Variants in GRID1 observed in about 807,000 individuals in gnomAD.
GRID1 encodes glutamate receptor ionotropic, delta-1.
In GRID1, 28 loss-of-function variants were observed where a neutral mutation model predicts 98.0. The ratio of observed to expected loss-of-function variants is 0.29; its 90% confidence interval spans 0.21 to 0.39. The LOEUF is 0.39. Among genes scored for constraint, GRID1 ranks in the 10% least tolerant of loss-of-function variants. GRID1 has a pLI of 1.00. For missense variants in GRID1, 1,111 were observed against 1,340.5 expected, an observed-to-expected ratio of 0.83 and a Z score of 2.67; for synonymous variants, 553 against 538.5, an observed-to-expected ratio of 1.03 and a Z score of -0.37.
At chr10:86,256,935 C>A (rs1846929208) in intron 2 of GRID1, among the ~76,000 whole-genome samples, 1 of 152,206 alleles carries the variant, frequency 6.6e-6, no homozygotes, top group African/African-American at 2.4e-5. Context: ...CTGGCAGCCC[C>A]TCTCTGCCTG....
At position 85,737,645 on chromosome 10, in the gene GRID1, GATATATATATAT is replaced by G. The variant is rs66947723; in HGVS notation, c.1234-8043_1234-8032del. Among the ~76,000 whole-genome samples the G allele has an allele frequency of 4.6e-4, 44 of 95,686 alleles. 1 individual carries two copies. In the East Asian group the frequency reaches 9.4e-3, roughly 20 times the overall value. 62.8% of individuals were successfully genotyped at this position (95,686 alleles called of 152,430 possible). A position where few individuals can be genotyped will look rare whatever the true frequency, so the allele number is the denominator to read the frequency against. ...TTGAACAACAACAACAGTAAAGCCA[GATATATATATAT>G]ATATATATATATATATAAACATATA... On this transcript the variant is annotated intron_variant, in intron 8 of 15. Transcript: ENST00000327946.
At chr10:86,154,555 G>C (rs1488467441) in intron 3 of GRID1, among the ~76,000 whole-genome samples, 2 of 152,146 alleles carry the variant, frequency 1.3e-5, no homozygotes, top group Non-Finnish European at 2.9e-5. Flanking sequence ...AGCAGGAGCA[G>C]GTGTCTCTAG....
intron 8 of GRID1, among the ~76,000 whole-genome samples, chr10:85,802,273 A>G (rs1215213472): frequency 6.6e-6 from 1 of 152,152 alleles, no homozygotes; most frequent in African/African-American, 2.4e-5. Context: ...TTTCTGAAGA[A>G]GAACTGGGAG....
chr10:86,330,316 G>A lies in GRID1; in HGVS notation c.235+33625C>T, dbSNP rs537325195. Among the ~76,000 whole-genome samples the A allele has an allele frequency of 2.3e-3, 355 of 152,228 alleles. 4 individuals are homozygous for A. The South Asian group carries it at 0.036, about 15-fold the overall frequency. ...GGCTCCTCTCCCCTCAAGCTCCTCA[G>A]GCAGGCAAAGGAGGCCTCTGCAGAA... On this transcript the variant is annotated intron_variant, in intron 2 of 15. Coordinates refer to ENST00000327946, the MANE Select transcript of GRID1 (RefSeq NM_017551.3).
At chr10:86,046,106 T>TC (rs1843419578) in intron 4 of GRID1, among the ~76,000 whole-genome samples, 1 of 152,154 alleles carries the variant, frequency 6.6e-6, no homozygotes, top group South Asian at 2.1e-4. Context: ...TTGTGCCATG[T>TC]CAGTTTACCA....
At chr10:85,685,719 T>C (rs535032881) in intron 12 of GRID1, among the ~76,000 whole-genome samples, 2 of 152,036 alleles carry the variant, frequency 1.3e-5, no homozygotes, top group African/African-American at 2.4e-5. Context: ...GGGAGAGAAA[T>C]AGTAATTCTA....
intron 2 of GRID1, among the ~76,000 whole-genome samples, chr10:86,221,370 G>A (rs1250613711): frequency 1.3e-5 from 2 of 152,202 alleles, no homozygotes; most frequent in African/African-American, 4.8e-5. Flanking sequence ...TCTCCCAGCA[G>A]GTTATCAAAT....
At chr10:85,983,475 C>T (rs1416476032) in intron 4 of GRID1, among the ~76,000 whole-genome samples, 1 of 152,188 alleles carries the variant, frequency 6.6e-6, no homozygotes, top group African/African-American at 2.4e-5. Context: ...GGAAATTAGC[C>T]TAGTTAATTT....
intron 4 of GRID1, among the ~76,000 whole-genome samples, chr10:86,057,177 A>G (rs1185728447): frequency 1.3e-5 from 2 of 152,208 alleles, no homozygotes; most frequent in African/African-American, 4.8e-5. Flanking sequence ...GCTTGGAGAG[A>G]GAGACAGAGT....
chr10:85,965,785 T>TA lies in GRID1; in HGVS notation c.727-49547dup, dbSNP rs78965421. 2.4e-3 allele frequency among the ~76,000 whole-genome samples: 339 copies of TA among 143,908 alleles called. 2 individuals are homozygous for TA. The highest frequency in any genetic ancestry group is 8.8e-3 in the East Asian group (44 of 5,018). 94.4% of individuals were successfully genotyped at this position (143,908 alleles called of 152,430 possible). ...ATGTACCCCAGAACTTAAAATATAA[T>TA]AAAAAAAAAAACTTTCTCACAACCC... On this transcript the variant is annotated intron_variant, in intron 4 of 15. Transcript: ENST00000327946.
chr10:85,841,702 G>T (rs150731429), intron 8 of GRID1, among the ~76,000 whole-genome samples: 1 of 151,952 alleles, frequency 6.6e-6, no homozygotes, highest in East Asian at 1.9e-4. Context: ...AGACATACAG[G>T]TAGCCAAAAA....
chr10:85,834,095 T>A (rs996651704), intron 8 of GRID1, among the ~76,000 whole-genome samples: 3 of 152,186 alleles, frequency 2.0e-5, no homozygotes, highest in African/African-American at 7.2e-5. Context: ...GATTAGCAGT[T>A]TGACAAATTT....
Position 86,144,632 on chromosome 10 carries a change from C to T in GRID1, c.521-5608G>A, listed in dbSNP as rs146369132. The stretch of plus-strand genomic sequence containing the variant: ...GGCCCTCCTCGGTCTTTGTCTTCCA[C>T]GGTTCTCCAGCATCCAGCCTGCAGT... On this transcript the variant is annotated intron_variant, in intron 3 of 15. Coordinates refer to ENST00000327946, the MANE Select transcript of GRID1 (RefSeq NM_017551.3). 6.8e-4 allele frequency among the ~76,000 whole-genome samples: 103 copies of T among 152,278 alleles called. 2 individuals are homozygous for T. The highest frequency in any genetic ancestry group is 2.1e-3 in the Admixed American group (32 of 15,300).
At chr10:85,905,640 G>A (rs1841450629) in intron 5 of GRID1, among the ~76,000 whole-genome samples, 1 of 152,030 alleles carries the variant, frequency 6.6e-6, no homozygotes, top group African/African-American at 2.4e-5. Context: ...GGATACTATT[G>A]TAAGATACTT....
intron 2 of GRID1, among the ~76,000 whole-genome samples, chr10:86,309,982 C>A (rs768365293): frequency 2.0e-5 from 3 of 152,308 alleles, no homozygotes; most frequent in Non-Finnish European, 4.4e-5. Context: ...AGCTTCAAGC[C>A]CACTACCACC....
At chr10:85,771,047 A>G (rs1287754640) in intron 8 of GRID1, among the ~76,000 whole-genome samples, 6 of 152,188 alleles carry the variant, frequency 3.9e-5, no homozygotes, top group Non-Finnish European at 8.8e-5. Flanking sequence ...GAAATGAAGG[A>G]AAAAATGTTA....
chr10:86,057,925 A>G (rs1449132890), intron 4 of GRID1, among the ~76,000 whole-genome samples: 1 of 152,234 alleles, frequency 6.6e-6, no homozygotes, highest in Non-Finnish European at 1.5e-5. Flanking sequence ...TATGCCAGGC[A>G]TGCGGTGTGC....
At chr10:86,033,640 C>A (rs1050904208) in intron 4 of GRID1, among the ~76,000 whole-genome samples, 2 of 152,220 alleles carry the variant, frequency 1.3e-5, no homozygotes, top group Admixed American at 1.3e-4. Context: ...TCCCCATAGT[C>A]CCAGGAAGAT....
At chr10:86,186,443 C>T (rs11201930) in intron 3 of GRID1, among the ~76,000 whole-genome samples, 6,602 of 152,164 alleles carry the variant, frequency 0.043, 197 homozygotes, top group South Asian at 0.079. Context: ...TTTATTCTTT[C>T]TTTTACTTAT....
Sources: gnomAD v4.1 joint callset for allele counts (sites outside exome capture counted in the v4.1 genomes callset) on GRCh38, gnomAD v4.1.1 for gene constraint, MANE v1.5 for transcripts, NCBI Gene and HGNC (gene_info 2026-07-23, HGNC 2026-07-21) for gene names.